KMT2C: variants seen among roughly 807,000 people sequenced by gnomAD.
The protein encoded by KMT2C is histone-lysine N-methyltransferase 2C.
A neutral mutation model predicts 507.9 loss-of-function variants in KMT2C; 88 were observed. That is an observed-to-expected ratio of 0.17 (90% CI 0.15 to 0.21). The LOEUF is 0.21. Ranked by LOEUF, KMT2C falls within the 10% of genes least tolerant of loss-of-function variation. KMT2C has a pLI of 1.00. For synonymous variants in KMT2C, 2,049 were observed against 2,080.8 expected (o/e 0.98, Z 0.42); for missense variants, 4,954 against 5,957.8 (o/e 0.83, Z 5.55).
intron 1 of KMT2C, among the ~76,000 whole-genome samples, chr7:152,369,469 C>G (rs1296285971): frequency 1.3e-5 from 2 of 151,950 alleles, no homozygotes; most frequent in Non-Finnish European, 2.9e-5. Context: ...CTAACACACA[C>G]AAAAAAATGA....
At chr7:152,312,140 ATAAG>A (rs2096678111) in intron 4 of KMT2C, 194 bp from the exon 5 acceptor site, 2 of 386,278 alleles carry the variant, frequency 5.2e-6, no homozygotes. Flanking sequence ...ATTATATCGT[ATAAG>A]TAACAAGTAA....
intron 6 of KMT2C, among the ~76,000 whole-genome samples, chr7:152,280,852 T>C (rs1218589472): frequency 6.6e-6 from 1 of 152,034 alleles, no homozygotes. Flanking sequence ...TTTTTAAGAT[T>C]TTTTTTTAAA....
intron 23 of KMT2C, among the ~76,000 whole-genome samples, chr7:152,215,688 T>TATATATACACAC (rs766518165): frequency 2.2e-5 from 3 of 134,432 alleles, no homozygotes; most frequent in Admixed American, 7.3e-5. Context: ...TATATATATA[T>TATATATACACAC]ACACACACAC....
At chr7:152,357,973 A>C (rs1452484070) in intron 2 of KMT2C, among the ~76,000 whole-genome samples, 3 of 152,176 alleles carry the variant, frequency 2.0e-5, no homozygotes, top group Admixed American at 1.3e-4. Context: ...AAACTTTACC[A>C]ATGAGAGACT....
chr7:152,150,740 T>C (rs2091541580), intron 51 of KMT2C, among the ~76,000 whole-genome samples, 160 bp downstream of exon 51: 1 of 152,144 alleles, frequency 6.6e-6, no homozygotes, highest in African/African-American at 2.4e-5. Context: ...GACTCAAGGC[T>C]CCCTACACCC....
rs2129120267 is a variant in KMT2C at position 152,181,744 on chromosome 7, C to A, written c.6116G>T (p.Gly2039Val). 1 of 1,614,058 alleles carries A rather than the reference C, an allele frequency of 6.2e-7. No homozygotes were observed. Reference sequence around the variant, plus strand: ...CATTGGAGTCTTAAAAGGTCCAGGACCACTATCAAGAGGTGCAGGTGTCAA... The same window carrying A: ...CATTGGAGTCTTAAAAGGTCCAGGAACACTATCAAGAGGTGCAGGTGTCAA... ...PLLTPAPLDS[G>V]PGPFKTPMQP... Residue 2039 changes from glycine to valine, a missense_variant, in exon 36 of 59, where the codon GGT (glycine) becomes GTT (valine). Around this residue, in one of 29 missense-constraint regions of KMT2C, gnomAD observed 1,689 missense variants for 1,654.3 expected, o/e 1.02. Transcript: ENST00000262189.
intron 6 of KMT2C, among the ~76,000 whole-genome samples, chr7:152,281,971 C>T (rs548222295): frequency 2.0e-5 from 3 of 152,052 alleles, no homozygotes; most frequent in Non-Finnish European, 2.9e-5. Flanking sequence ...GTCTTGTTTA[C>T]GTAATGGTTT....
At chr7:152,245,930 A>G (rs2095464785) in intron 14 of KMT2C, among the ~76,000 whole-genome samples, 1 of 152,182 alleles carries the variant, frequency 6.6e-6, no homozygotes, top group African/African-American at 2.4e-5. Context: ...CAGCCAGGAA[A>G]ATGCAGCTTA....
At chr7:152,410,781 G>C (rs1426043906) in intron 1 of KMT2C, among the ~76,000 whole-genome samples, 1 of 151,866 alleles carries the variant, frequency 6.6e-6, no homozygotes, top group Non-Finnish European at 1.5e-5. Context: ...TGGATCACTT[G>C]AACCCAGGAG....
intron 28 of KMT2C, 45 bp downstream of exon 28, chr7:152,195,862 C>T: frequency 9.0e-7 from 1 of 1,105,228 alleles, no homozygotes; most frequent in Admixed American, 2.0e-5. Context: ...ACACCTCTCG[C>T]TCACATCAGA....
chr7:152,330,829 T>C lies in KMT2C; in HGVS notation c.251-90A>G, dbSNP rs1329510044. On this transcript the variant is annotated intron_variant, in intron 2 of 58. Coordinates refer to ENST00000262189, the MANE Select transcript of KMT2C (RefSeq NM_170606.3). ...TGTATCTATAAAGCATAGGTCATAA[T>C]GTAAAAAGAAACAACAAATAACAAT... 5 of 1,214,212 alleles carry C rather than the reference T, an allele frequency of 4.1e-6. No individual in the cohort carries two copies. In the African/African-American group the frequency reaches 6.0e-5, roughly 15 times the overall value. The allele number at this position is 1,214,212 out of a possible 1,614,324, so 75.2% of individuals were successfully genotyped here.
At chr7:152,215,701 A>G (rs1224183503) in intron 23 of KMT2C, among the ~76,000 whole-genome samples, 1 of 140,444 alleles carries the variant, frequency 7.1e-6, no homozygotes, top group East Asian at 2.1e-4. Flanking sequence ...ACACACACAT[A>G]CACACACAAA....
intron 1 of KMT2C, among the ~76,000 whole-genome samples, chr7:152,395,258 C>A (rs2097530336): frequency 6.6e-6 from 1 of 152,000 alleles, no homozygotes; most frequent in Non-Finnish European, 1.5e-5. Context: ...AACCATGACT[C>A]ACTGCATTCT....
In KMT2C at chr7:152,322,620, T is replaced by C. The variant is rs184828747; in HGVS notation, c.390-7282A>G. ...ACTATAAAACTACTAGAATAAAACA[T>C]AGGGAGAAAGTTCCATGTGGGCAAT... On this transcript the variant is annotated intron_variant, in intron 3 of 58. Transcript: ENST00000262189. 7.9e-5 allele frequency among the ~76,000 whole-genome samples: 12 copies of C among 151,954 alleles called. 2 individuals are homozygous for C. Among genetic ancestry groups the C allele is most frequent in the African/African-American group, 2.4e-4 (10 of 41,512 alleles).
In KMT2C at chr7:152,177,510, G is replaced by A. The variant is rs2093256314; in HGVS notation, c.7943C>T (p.Thr2648Ile). Reference protein sequence around the residue: ...SVHSSSMVMRTLNHPLGGEFS... With the variant: ...SVHSSSMVMRILNHPLGGEFS... ...TTCACCACCTAGTGGATGGTTCAGAGTCCTCATGACCATAGAAGATGAATG... is the reference window on the plus strand; with the variant it reads ...TTCACCACCTAGTGGATGGTTCAGAATCCTCATGACCATAGAAGATGAATG... The change falls in exon 38 of 59, where the codon ACT becomes ATT. Residue 2648 changes from threonine to isoleucine, a missense_variant. Physicochemically the swap from Thr to Ile is moderately conservative, Grantham distance 89. Around this residue, in one of 29 missense-constraint regions of KMT2C, gnomAD observed 1,689 missense variants for 1,654.3 expected, o/e 1.02. Coordinates refer to ENST00000262189, the MANE Select transcript of KMT2C (RefSeq NM_170606.3). 2.5e-6 allele frequency: 4 copies of A among 1,614,194 alleles called. No homozygotes were observed. In the East Asian group the frequency reaches 6.7e-5, roughly 27 times the overall value.
chr7:152,259,387 A>C (rs1166041760), intron 9 of KMT2C, among the ~76,000 whole-genome samples: 1 of 151,772 alleles, frequency 6.6e-6, no homozygotes. Context: ...GTATGTAATT[A>C]ACCCTCAAAT....
chr7:152,429,492 C>T (rs1456820044), intron 1 of KMT2C, among the ~76,000 whole-genome samples: 1 of 151,860 alleles, frequency 6.6e-6, no homozygotes, highest in African/African-American at 2.4e-5. Context: ...TCAACACTTC[C>T]AATTATAAAT....
At chr7:152,321,138 G>A (rs1329225005) in intron 3 of KMT2C, among the ~76,000 whole-genome samples, 2 of 151,980 alleles carry the variant, frequency 1.3e-5, no homozygotes, top group Non-Finnish European at 2.9e-5. Flanking sequence ...GGAGGCTGAG[G>A]CAGGAGAATC....
At chr7:152,250,690 C>T (rs1350852995) in intron 12 of KMT2C, among the ~76,000 whole-genome samples, 163 bp downstream of exon 12, 5 of 152,152 alleles carry the variant, frequency 3.3e-5, no homozygotes, top group South Asian at 2.1e-4. Context: ...TACAAATACA[C>T]GCATGTCCTT....
Sources: allele counts gnomAD v4.1 joint callset (sites outside exome capture counted in the v4.1 genomes callset), GRCh38; gene constraint gnomAD v4.1.1; regional missense constraint gnomAD v4.1.1; transcripts MANE v1.5; gene names NCBI Gene and HGNC (gene_info 2026-07-23, HGNC 2026-07-21).